Variants in XKR6 observed in about 807,000 individuals in gnomAD.
XKR6 encodes the protein XK-related protein 6.
Under a neutral mutation model 56.7 loss-of-function variants are expected in XKR6, and 22 were observed. The observed-to-expected ratio is 0.39, with a 90% confidence interval of 0.28 to 0.55. The LOEUF (loss-of-function observed/expected upper bound fraction) is 0.55. XKR6 is among the 20% of genes least tolerant of loss of function. The pLI, the probability that XKR6 is intolerant of heterozygous loss-of-function variation, is 0.66. For missense variants in XKR6, 852 were observed against 889.0 expected, an observed-to-expected ratio of 0.96 and a Z score of 0.53; for synonymous variants, 524 against 387.8, an observed-to-expected ratio of 1.35 and a Z score of -4.13.
rs182279823 is a variant in XKR6 at position 11,078,019 on chromosome 8, A to G, written c.764+122557T>C. Among the ~76,000 whole-genome samples the G allele has an allele frequency of 2.8e-3, 425 of 152,206 alleles. 3 individuals are homozygous for G. Among genetic ancestry groups the G allele is most frequent in the Non-Finnish European group, 4.4e-3 (302 of 68,002 alleles). On this transcript the variant is annotated intron_variant, in intron 1 of 2. Coordinates refer to ENST00000416569, the MANE Select transcript of XKR6 (RefSeq NM_173683.4). ...ACTGACCCTCCATGGAAGGACCTCAATGCTGACCTTGAGCCTGACCCCAAA... is the reference window on the plus strand; with the variant it reads ...ACTGACCCTCCATGGAAGGACCTCAGTGCTGACCTTGAGCCTGACCCCAAA...
intron 1 of XKR6, among the ~76,000 whole-genome samples, chr8:11,074,851 C>T (rs922701460): frequency 2.0e-5 from 3 of 152,204 alleles, no homozygotes; most frequent in African/African-American, 7.2e-5. Context: ...CAGCTGCCCT[C>T]TGGGAGCAGG....
chr8:11,184,996 G>C (rs1458580590), intron 1 of XKR6, among the ~76,000 whole-genome samples: 1 of 152,078 alleles, frequency 6.6e-6, no homozygotes, highest in African/African-American at 2.4e-5. Flanking sequence ...TTCCCAACCG[G>C]GCCACTGTCT....
intron 1 of XKR6, among the ~76,000 whole-genome samples, chr8:11,088,561 C>T (rs1182404097): frequency 6.6e-6 from 1 of 152,170 alleles, no homozygotes; most frequent in African/African-American, 2.4e-5. Flanking sequence ...CAGAGTAGGA[C>T]CTAACACCTT....
intron 1 of XKR6, among the ~76,000 whole-genome samples, chr8:11,188,813 C>T (rs1803405585): frequency 6.6e-6 from 1 of 152,206 alleles, no homozygotes; most frequent in South Asian, 2.1e-4. Context: ...CAGGCCCCAC[C>T]TCTGCCAGCC....
intron 1 of XKR6, among the ~76,000 whole-genome samples, chr8:10,973,971 T>A (rs1371698228): frequency 6.6e-6 from 1 of 152,256 alleles, no homozygotes; most frequent in Non-Finnish European, 1.5e-5. Flanking sequence ...GATGTTATTA[T>A]CATTCCAGTT....
chr8:11,031,938 G>A (rs927976474), intron 1 of XKR6, among the ~76,000 whole-genome samples: 1 of 152,214 alleles, frequency 6.6e-6, no homozygotes, highest in Non-Finnish European at 1.5e-5. Flanking sequence ...TGTTGAATGA[G>A]TGCACAGGGA....
In XKR6 at chr8:10,962,474, G is replaced by A. The variant is rs546220247; in HGVS notation, c.765-37644C>T. Among the ~76,000 whole-genome samples the A allele has an allele frequency of 5.5e-4, 83 of 152,254 alleles. No homozygotes were observed. The South Asian group carries it at 0.016, about 29-fold the overall frequency. ...GGGCTGCAGCCTAGGGAGGATTTCC[G>A]CCAGAAGGCTCAAATGTATTTTTGT... On this transcript the variant is annotated intron_variant, in intron 1 of 2. Transcript: ENST00000416569.
intron 1 of XKR6, among the ~76,000 whole-genome samples, chr8:11,136,036 T>C (rs767055033): frequency 5.9e-5 from 9 of 152,196 alleles, no homozygotes; most frequent in Non-Finnish European, 4.4e-5. Flanking sequence ...AGATATTTCT[T>C]ACAATAGATG....
intron 1 of XKR6, among the ~76,000 whole-genome samples, chr8:11,000,523 A>G (rs919388603): frequency 1.3e-5 from 2 of 152,054 alleles, no homozygotes; most frequent in East Asian, 3.9e-4. Context: ...CCCGTCTACT[A>G]AAAATGCAAA....
At chr8:10,990,410 CTG>C (rs1295653843) in intron 1 of XKR6, among the ~76,000 whole-genome samples, 1 of 152,084 alleles carries the variant, frequency 6.6e-6, no homozygotes, top group Non-Finnish European at 1.5e-5. Context: ...GATTTTAAGA[CTG>C]TGGAACTGCT....
chr8:10,981,999 A>T (rs1294726725), intron 1 of XKR6, among the ~76,000 whole-genome samples: 1 of 152,272 alleles, frequency 6.6e-6, no homozygotes, highest in Non-Finnish European at 1.5e-5. Flanking sequence ...ATGCCATTCA[A>T]ATAAACTTTC....
chr8:10,995,762 G>T (rs1798097984), intron 1 of XKR6, among the ~76,000 whole-genome samples: 1 of 151,856 alleles, frequency 6.6e-6, no homozygotes, highest in South Asian at 2.1e-4. Flanking sequence ...AGCTGCCTAC[G>T]ATGAAGGCTG....
At chr8:11,153,762 C>G (rs1391295190) in intron 1 of XKR6, among the ~76,000 whole-genome samples, 4 of 152,140 alleles carry the variant, frequency 2.6e-5, no homozygotes, top group African/African-American at 9.7e-5. Context: ...AAGCCAAAAG[C>G]CTTAAGAGGT....
At chr8:11,031,364 C>G (rs949713248) in intron 1 of XKR6, among the ~76,000 whole-genome samples, 4 of 152,192 alleles carry the variant, frequency 2.6e-5, no homozygotes, top group African/African-American at 9.6e-5. Context: ...TTATGCCAGC[C>G]CAGTGGGTTC....
At chr8:11,110,553 T>C (rs954639638) in intron 1 of XKR6, among the ~76,000 whole-genome samples, 4 of 152,180 alleles carry the variant, frequency 2.6e-5, no homozygotes, top group African/African-American at 4.8e-5. Flanking sequence ...CTTCATTCTT[T>C]CCCCTTGATC....
chr8:10,919,105 C>G (rs755081212), intron 2 of XKR6, among the ~76,000 whole-genome samples: 17 of 152,200 alleles, frequency 1.1e-4, no homozygotes, highest in Non-Finnish European at 1.9e-4. Flanking sequence ...TGGGGCCCTG[C>G]CTTTCTCTCC....
intron 1 of XKR6, among the ~76,000 whole-genome samples, chr8:11,145,573 AACTAACAAAAATAG>A (rs1800939553): frequency 6.6e-6 from 1 of 152,246 alleles, no homozygotes; most frequent in Non-Finnish European, 1.5e-5. Context: ...TATAAAAATA[AACTAACAAAAATAG>A]AAATTAATAG....
At chr8:10,988,156 C>T (rs182282179) in intron 1 of XKR6, among the ~76,000 whole-genome samples, 3 of 152,120 alleles carry the variant, frequency 2.0e-5, no homozygotes, top group Non-Finnish European at 4.4e-5. Flanking sequence ...TTGTTTTTTG[C>T]CCCTTACCCC....
chr8:11,039,624 G>A (rs1799233898), intron 1 of XKR6, among the ~76,000 whole-genome samples: 1 of 152,228 alleles, frequency 6.6e-6, no homozygotes, highest in Admixed American at 6.5e-5. Context: ...ACCTTCTGGT[G>A]CGAGAGGGGA....
Sources: gnomAD v4.1 joint callset for allele counts (sites outside exome capture counted in the v4.1 genomes callset) on GRCh38, gnomAD v4.1.1 for gene constraint, MANE v1.5 for transcripts, NCBI Gene and HGNC (gene_info 2026-07-23, HGNC 2026-07-21) for gene names.